Variants in ADGRB1 observed in about 807,000 individuals in gnomAD.
ADGRB1 encodes adhesion G protein-coupled receptor B1.
A neutral mutation model predicts 175.7 loss-of-function variants in ADGRB1; 36 were observed. The observed-to-expected ratio is 0.20, with a 90% CI of 0.16 to 0.27. ADGRB1 has a LOEUF of 0.27. Among genes scored for constraint, ADGRB1 ranks in the 10% least tolerant of loss-of-function variants. The pLI is 1.00. For missense variants in ADGRB1, 1,731 were observed against 2,255.3 expected (o/e 0.77, Z 4.71); for synonymous variants, 1,054 against 979.4 (o/e 1.08, Z -1.42).
At chr8:142,527,056 A>G (rs1844247092) in intron 24 of ADGRB1, among the ~76,000 whole-genome samples, 1 of 152,172 alleles carries the variant, frequency 6.6e-6, no homozygotes, top group East Asian at 1.9e-4. Context: ...TGGGACCTTC[A>G]TCATGGGGAG....
intron 17 of ADGRB1, among the ~76,000 whole-genome samples, chr8:142,497,347 G>A (rs1842268911): frequency 6.6e-6 from 1 of 152,122 alleles, no homozygotes; most frequent in African/African-American, 2.4e-5. Context: ...CCCTTTCCTG[G>A]TTTCCTTGGA....
intron 24 of ADGRB1, among the ~76,000 whole-genome samples, chr8:142,531,067 G>A (rs1448725547): frequency 4.6e-5 from 7 of 152,212 alleles, no homozygotes; most frequent in Non-Finnish European, 8.8e-5. Context: ...ATCCCCTGAC[G>A]GGCAGCAGCA....
At chr8:142,527,210 C>T (rs920112335) in intron 24 of ADGRB1, among the ~76,000 whole-genome samples, 6 of 152,206 alleles carry the variant, frequency 3.9e-5, no homozygotes, top group African/African-American at 1.2e-4. Flanking sequence ...CTTTGAGGGA[C>T]AGGGCCCTGG....
intron 13 of ADGRB1, among the ~76,000 whole-genome samples, chr8:142,486,205 A>G (rs563341691): frequency 3.9e-5 from 6 of 152,032 alleles, no homozygotes; most frequent in Non-Finnish European, 8.8e-5. Flanking sequence ...CCCCACCCCT[A>G]CATCCCTCCC....
rs1297577035 is a variant in ADGRB1 at position 142,504,976 on chromosome 8, C to T, written c.2676-5956C>T. Among the ~76,000 whole-genome samples, 2 of 151,670 alleles carry T rather than the reference C, an allele frequency of 1.3e-5. No individual in the cohort carries two copies. Among genetic ancestry groups the T allele is most frequent in the East Asian group, 1.9e-4 (1 of 5,132 alleles). On this transcript the variant is annotated intron_variant, in intron 17 of 30. Transcript: ENST00000517894. The surrounding 1 kb of genome is among the most constrained non-coding windows in gnomAD (Gnocchi z 5.6). Reference sequence around the variant, plus strand: ...AATTAGCCCATCAAATCCAAGGGGACCCCGACAGCGCACAGTCCCATAATA... The same window carrying T: ...AATTAGCCCATCAAATCCAAGGGGATCCCGACAGCGCACAGTCCCATAATA...
rs1026463604 is a variant in ADGRB1, at chr8:142,455,163, C to T, written c.-220+5059C>T. ...GGCTACCTCAGCCGCACCCTGCCGC[C>T]GGCACCACACTGCACCATCATTCCT... On this transcript the variant is annotated intron_variant, in intron 1 of 30. Coordinates refer to ENST00000517894, the MANE Select transcript of ADGRB1 (RefSeq NM_001702.3). The surrounding 1 kb of genome is among the most constrained non-coding windows in gnomAD (Gnocchi z 4.9). Among the ~76,000 whole-genome samples, 3 of 150,544 alleles carry T rather than the reference C, an allele frequency of 2.0e-5. No individual in the cohort carries two copies. The highest frequency in any genetic ancestry group is 2.1e-4 in the South Asian group (1 of 4,724).
rs753488486 is a variant in ADGRB1 at position 142,504,982 on chromosome 8, C to A, written c.2676-5950C>A. On this transcript the variant is annotated intron_variant, in intron 17 of 30. Transcript: ENST00000517894. This position sits in a 1 kb window ranked among gnomAD's most constrained non-coding sequence, Gnocchi z 5.6. ...CCCATCAAATCCAAGGGGACCCCGA[C>A]AGCGCACAGTCCCATAATAGCACCT... is the stretch of plus-strand genomic sequence containing the variant. 6.6e-6 allele frequency among the ~76,000 whole-genome samples: 1 copy of A among 151,298 alleles called. No individual in the cohort carries two copies. The highest frequency in any genetic ancestry group is 2.1e-4 in the South Asian group (1 of 4,796).
intron 21 of ADGRB1, among the ~76,000 whole-genome samples, 197 bp from the exon 22 acceptor site, chr8:142,522,444 A>T (rs1393618260): frequency 6.6e-6 from 1 of 152,172 alleles, no homozygotes; most frequent in East Asian, 1.9e-4. Flanking sequence ...TTCTCTGCTC[A>T]TTGGACCACC....
intron 23 of ADGRB1, 128 bp downstream of exon 23, chr8:142,524,432 C>T (rs1844055748): frequency 1.9e-6 from 2 of 1,071,302 alleles, no homozygotes; most frequent in Admixed American, 2.4e-5. Flanking sequence ...CCTCATGGCC[C>T]TCATCACCAG....
chr8:142,465,498 G>A lies in ADGRB1; in HGVS notation c.784+516G>A, dbSNP rs75109160. On this transcript the variant is annotated intron_variant, in intron 2 of 30. Coordinates refer to ENST00000517894, the MANE Select transcript of ADGRB1 (RefSeq NM_001702.3). ...GTCGGCAGGTGGGCTCTGTGGAGAC[G>A]TGGTCAGATGAGGTTTCGGGTTGAG... Among the ~76,000 whole-genome samples, 905 of 152,142 alleles carry A rather than the reference G, an allele frequency of 5.9e-3. 8 individuals carry two copies. The highest frequency in any genetic ancestry group is 0.021 in the African/African-American group (852 of 41,488).
chr8:142,519,900 GTGT>G (rs1390945976), intron 19 of ADGRB1, among the ~76,000 whole-genome samples: 2 of 148,976 alleles, frequency 1.3e-5, no homozygotes, highest in African/African-American at 5.0e-5. Context: ...GGTTGTGTTG[GTGT>G]TGGTGGTGCT....
chr8:142,507,215 G>A (rs1302130964), intron 17 of ADGRB1, among the ~76,000 whole-genome samples: 1 of 152,222 alleles, frequency 6.6e-6, no homozygotes, highest in Non-Finnish European at 1.5e-5. Context: ...TGCAGGGAAG[G>A]GTGAGGAGAA....
Position 142,542,473 on chromosome 8 carries a change from G to T in ADGRB1, c.4239G>T (p.Pro1413=). 3 of 470,104 alleles carry T rather than the reference G, an allele frequency of 6.4e-6. No homozygotes were observed. Among genetic ancestry groups the T allele is most frequent in the Non-Finnish European group, 8.2e-6 (3 of 367,218 alleles). 29.1% of individuals were successfully genotyped at this position (470,104 alleles called of 1,614,324 possible). ...PPEAPPAQPP[P]PPPPPPPPPQ... ...AGGCACCCCCTGCCCAGCCCCCACC[G>T]CCTCCGCCCCCACCGCCACCACCTC... Residue 1413 remains proline, a synonymous_variant, in exon 28 of 31, where the codon CCG becomes CCT. Transcript: ENST00000517894. This position sits in a 1 kb window ranked among gnomAD's most constrained non-coding sequence, Gnocchi z 6.3.
chr8:142,510,820 G>A lies in ADGRB1; in HGVS notation c.2676-112G>A, dbSNP rs1843058083. Reference sequence around the variant, plus strand: ...GCTGCGGGCGCAGGTGCGGGGCGGCGGGCCGGGGCCGGGGCCGGGGCGCGG... The same window carrying A: ...GCTGCGGGCGCAGGTGCGGGGCGGCAGGCCGGGGCCGGGGCCGGGGCGCGG... On this transcript the variant is annotated intron_variant, in intron 17 of 30. Coordinates refer to ENST00000517894, the MANE Select transcript of ADGRB1 (RefSeq NM_001702.3). This position sits in a 1 kb window ranked among gnomAD's most constrained non-coding sequence, Gnocchi z 6.3. 2.3e-6 allele frequency: 1 copy of A among 433,236 alleles called. No individual in the cohort carries two copies. Among genetic ancestry groups the A allele is most frequent in the African/African-American group, 2.2e-5 (1 of 45,630 alleles). The allele number at this position is 433,236 out of a possible 1,614,324, so 26.8% of individuals were successfully genotyped here.
intron 17 of ADGRB1, among the ~76,000 whole-genome samples, chr8:142,509,747 G>A (rs1842986774): frequency 6.6e-6 from 1 of 152,252 alleles, no homozygotes; most frequent in Admixed American, 6.5e-5. Context: ...GGAGGAATGA[G>A]GCCTTTTCAG....
chr8:142,456,828 G>A (rs930430414), intron 1 of ADGRB1, among the ~76,000 whole-genome samples: 2 of 152,228 alleles, frequency 1.3e-5, no homozygotes, highest in Non-Finnish European at 2.9e-5. Context: ...AGGGGTCCTC[G>A]AGCCAGGAGA....
intron 2 of ADGRB1, among the ~76,000 whole-genome samples, chr8:142,469,530 TGAATGTGA>T (rs1840506302): frequency 6.9e-6 from 1 of 143,978 alleles, no homozygotes; most frequent in Non-Finnish European, 1.6e-5. Flanking sequence ...CGTGCATGTG[TGAATGTGA>T]GTGTATGCAC....
intron 18 of ADGRB1, among the ~76,000 whole-genome samples, chr8:142,512,105 G>C (rs1209829434): frequency 6.6e-6 from 1 of 152,236 alleles, no homozygotes; most frequent in African/African-American, 2.4e-5. Context: ...GCCAGAGCCG[G>C]ATGGGACCCT....
Position 142,518,306 on chromosome 8 carries a change from G to A in ADGRB1, c.2921+65G>A. On this transcript the variant is annotated intron_variant, in intron 19 of 30. Transcript: ENST00000517894. ...TCCTGCATCACACGCCTCTTCCCTTGAAGGTCACGGGCGGGGTCGTGGGTG... is the reference window on the plus strand; with the variant it reads ...TCCTGCATCACACGCCTCTTCCCTTAAAGGTCACGGGCGGGGTCGTGGGTG... The A allele has an allele frequency of 2.0e-6, 3 of 1,536,586 alleles. No individual in the cohort carries two copies. In the Admixed American group the frequency reaches 5.0e-5, roughly 26 times the overall value.
Sources: gnomAD v4.1 joint callset for allele counts (sites outside exome capture counted in the v4.1 genomes callset) on GRCh38, gnomAD v4.1.1 for gene constraint, Gnocchi (gnomAD v3.1) non-coding constraint, MANE v1.5 for transcripts, NCBI Gene and HGNC (gene_info 2026-07-23, HGNC 2026-07-21) for gene names.